TANC2: variants seen among roughly 807,000 people sequenced by gnomAD.
TANC2 encodes tetratricopeptide repeat, ankyrin repeat and coiled-coil containing 2.
A neutral mutation model predicts 210.5 loss-of-function variants in TANC2; 26 were observed. That is an observed-to-expected ratio of 0.12 (90% CI 0.09 to 0.17). The LOEUF (loss-of-function observed/expected upper bound fraction) is 0.17, where lower values mean the gene tolerates loss of function less well. Among genes scored for constraint, TANC2 ranks in the 10% least tolerant of loss-of-function variants. The pLI is 1.00. For missense variants in TANC2, 2,129 were observed against 2,608.9 expected (o/e 0.82, Z 4.01); for synonymous variants, 931 against 967.1 (o/e 0.96, Z 0.69).
rs73994430 is a variant in TANC2, at chr17:63,310,795, G to A, written c.1160-3593G>A. On this transcript the variant is annotated intron_variant, in intron 9 of 27. Transcript: ENST00000689528. ...AGATAAAGAATAATAATACTACCCC[G>A]TGATGATGAGACTGAGAGGGATATG... Among the ~76,000 whole-genome samples the A allele has an allele frequency of 2.9e-3, 448 of 152,274 alleles. 3 individuals carry two copies. The highest frequency in any genetic ancestry group is 0.01 in the African/African-American group (421 of 41,556).
chr17:63,319,072 G>A (rs1170839144), exon 11 of TANC2: 16 of 1,612,994 alleles, frequency 9.9e-6, no homozygotes, highest in Non-Finnish European at 1.4e-5. Flanking sequence ...AGGAGGCTAT[G>A]CGAAGACTAG....
chr17:63,360,128 T>A (rs551262492), intron 14 of TANC2, among the ~76,000 whole-genome samples: 4 of 152,298 alleles, frequency 2.6e-5, no homozygotes, highest in African/African-American at 9.6e-5. Flanking sequence ...TCTTATAGAA[T>A]AGATGGGGTT....
At chr17:63,356,614 C>G (rs1598931544) in intron 14 of TANC2, among the ~76,000 whole-genome samples, 1 of 152,266 alleles carries the variant, frequency 6.6e-6, no homozygotes, top group Non-Finnish European at 1.5e-5. Flanking sequence ...AGGCAATAGA[C>G]TTTGTAGCAT....
chr17:63,305,251 G>C (rs374843784), intron 9 of TANC2: 6 of 152,244 alleles, frequency 3.9e-5, no homozygotes, highest in African/African-American at 1.2e-4. Context: ...ACACAGTTCC[G>C]TGGAAAAAAC....
At chr17:63,069,234 G>C (rs1006308958) in intron 2 of TANC2, among the ~76,000 whole-genome samples, 10 of 151,942 alleles carry the variant, frequency 6.6e-5, no homozygotes, top group African/African-American at 2.2e-4. Context: ...TTTACATTAT[G>C]AACATATTTC....
chr17:63,394,218 A>G (rs925857522), intron 17 of TANC2, among the ~76,000 whole-genome samples: 1 of 152,186 alleles, frequency 6.6e-6, no homozygotes, highest in Admixed American at 6.5e-5. Flanking sequence ...TGATATTGCT[A>G]TGAAGTCATG....
intron 9 of TANC2, among the ~76,000 whole-genome samples, chr17:63,283,916 A>T (rs1310560408): frequency 6.6e-6 from 1 of 151,926 alleles, no homozygotes. Flanking sequence ...ATAGATGATC[A>T]TGTTGTCTGT....
At chr17:62,984,810 TGTG>T (rs1390925333) in intron 1 of TANC2, among the ~76,000 whole-genome samples, 2 of 152,180 alleles carry the variant, frequency 1.3e-5, no homozygotes, top group Non-Finnish European at 2.9e-5. Flanking sequence ...CTAAATATCT[TGTG>T]GTCAGATATT....
At chr17:63,339,854 A>G (rs986640959) in intron 11 of TANC2, among the ~76,000 whole-genome samples, 3 of 152,246 alleles carry the variant, frequency 2.0e-5, no homozygotes, top group Admixed American at 6.5e-5. Flanking sequence ...TACAAATTTT[A>G]TTCTGGGTTA....
Position 62,966,567 on chromosome 17 carries a change from C to T in TANC2, c.-206C>T, listed in dbSNP as rs1220898849. Among the ~76,000 whole-genome samples, 1 of 150,908 alleles carries T rather than the reference C, an allele frequency of 6.6e-6. No individual in the cohort carries two copies. The highest frequency in any genetic ancestry group is 1.5e-5 in the Non-Finnish European group (1 of 67,644). ...CCGCTGACAGGAGCACCGCCGCGGG[C>T]TGCGCTCGCCGGCTGCGAGGCCCCG... On this transcript the variant is annotated 5_prime_UTR_variant, in exon 1 of 28. Coordinates refer to ENST00000689528, the Ensembl canonical transcript of TANC2. This position sits in a 1 kb window ranked among gnomAD's most constrained non-coding sequence, Gnocchi z 5.1.
intron 8 of TANC2, among the ~76,000 whole-genome samples, chr17:63,260,650 G>A (rs2043327993): frequency 2.0e-5 from 3 of 151,956 alleles, no homozygotes; most frequent in South Asian, 2.1e-4. Flanking sequence ...GGTGGTGCAC[G>A]CCTACTCGGA....
exon 22 of TANC2, chr17:63,411,642 C>T (rs755972267): frequency 4.3e-6 from 7 of 1,613,728 alleles, no homozygotes; most frequent in South Asian, 1.1e-5. Context: ...CAAGAATGGC[C>T]GTACCCCACT....
chr17:63,274,693 C>A (rs1300082860), intron 9 of TANC2, among the ~76,000 whole-genome samples: 2 of 152,034 alleles, frequency 1.3e-5, no homozygotes, highest in East Asian at 3.9e-4. Flanking sequence ...TGGCGTGGGC[C>A]CATAGTCCCA....
chr17:63,421,409 G>T lies in TANC2; in HGVS notation c.5679G>T (p.Glu1893Asp), dbSNP rs760420318. 6.2e-7 allele frequency: 1 copy of T among 1,613,944 alleles called. No individual in the cohort carries two copies. Among genetic ancestry groups the T allele is most frequent in the South Asian group, 1.1e-5 (1 of 91,084 alleles). ...CATCTTCTTCCATCCAGCAAATGGA[G>T]ATCCCACTGAAACCTGCATATGAGA... Residue 1893 changes from glutamate to aspartate, a missense_variant, in exon 28 of 28, where the codon GAG (glutamate) becomes GAT (aspartate). This residue lies in a region of TANC2 where 584 missense variants were observed against 627.3 expected (regional missense o/e 0.93). Coordinates refer to ENST00000689528, the Ensembl canonical transcript of TANC2. The surrounding 1 kb of genome is among the most constrained non-coding windows in gnomAD (Gnocchi z 6.9).
At chr17:63,095,703 G>A (rs932344826) in intron 3 of TANC2, among the ~76,000 whole-genome samples, 22 of 152,072 alleles carry the variant, frequency 1.4e-4, no homozygotes, top group African/African-American at 5.3e-4. Context: ...TGAGCATACA[G>A]GCAATGTAAA....
intron 1 of TANC2, among the ~76,000 whole-genome samples, chr17:62,991,771 A>G (rs1276079301): frequency 6.6e-6 from 1 of 152,228 alleles, no homozygotes; most frequent in Non-Finnish European, 1.5e-5. Flanking sequence ...AAGTGAAATG[A>G]TGAATCCAGG....
chr17:63,101,751 G>A (rs1457712527), intron 4 of TANC2, among the ~76,000 whole-genome samples: 1 of 152,220 alleles, frequency 6.6e-6, no homozygotes, highest in Non-Finnish European at 1.5e-5. Flanking sequence ...ATGCAATATG[G>A]AAGGGGATAG....
At chr17:63,199,841 A>T (rs2041468404) in intron 6 of TANC2, among the ~76,000 whole-genome samples, 1 of 152,226 alleles carries the variant, frequency 6.6e-6, no homozygotes. Context: ...TTCAGGATAC[A>T]AAGTGATCTC....
intron 3 of TANC2, among the ~76,000 whole-genome samples, chr17:63,096,993 A>G (rs1228540063): frequency 6.7e-6 from 1 of 149,736 alleles, no homozygotes; most frequent in African/African-American, 2.4e-5. Flanking sequence ...CTTGTTGGCC[A>G]TTTGTGTATC....
Sources: allele counts gnomAD v4.1 joint callset (sites outside exome capture counted in the v4.1 genomes callset), GRCh38; gene constraint gnomAD v4.1.1; regional missense constraint gnomAD v4.1.1; non-coding constraint Gnocchi (gnomAD v3.1); transcripts MANE v1.5; gene names NCBI Gene and HGNC (gene_info 2026-07-23, HGNC 2026-07-21).